Variants in TMEM236 observed in about 807,000 individuals in gnomAD.
TMEM236 encodes the protein transmembrane protein 236.
In TMEM236, 11 loss-of-function variants were observed where a neutral mutation model predicts 14.7. The observed-to-expected ratio is 0.75, with a 90% CI of 0.47 to 1.24. The LOEUF (loss-of-function observed/expected upper bound fraction) is 1.24. TMEM236 is among the 50% of genes most tolerant of loss of function. The probability of loss-of-function intolerance (pLI) is 0.00; values close to 1 mark genes in which losing one functional copy is unlikely to be tolerated. For missense variants in TMEM236, 464 were observed against 427.3 expected (o/e 1.09, Z -0.76); for synonymous variants, 182 against 168.6 (o/e 1.08, Z -0.62).
At chr10:17,753,598 A>C (rs1837240741) in intron 1 of TMEM236, among the ~76,000 whole-genome samples, 1 of 152,200 alleles carries the variant, frequency 6.6e-6, no homozygotes, top group Non-Finnish European at 1.5e-5. Context: ...TCATGATTGC[A>C]TAGCATTCGA....
chr10:17,794,302 T>C (rs1837973134), intron 3 of TMEM236, among the ~76,000 whole-genome samples: 1 of 152,198 alleles, frequency 6.6e-6, no homozygotes, highest in Non-Finnish European at 1.5e-5. Context: ...TCCTTTTAAG[T>C]TTTGTTTTAT....
In TMEM236 at chr10:17,797,700, AT is replaced by A. The variant is rs1838039295; in HGVS notation, c.*1199del. On this transcript the variant is annotated 3_prime_UTR_variant, in exon 4 of 4. Coordinates refer to ENST00000377495, the MANE Select transcript of TMEM236 (RefSeq NM_001098844.3). ...CAAGGGACTTTTATTCAATAAATTG[AT>A]TTCAGCATAAAAAGCAATTCACTTT... 6.6e-6 allele frequency: 1 copy of A among 152,186 alleles called. No homozygotes were observed. Among genetic ancestry groups the A allele is most frequent in the Non-Finnish European group, 1.5e-5 (1 of 68,018 alleles). 9.4% of individuals were successfully genotyped at this position (152,186 alleles called of 1,614,324 possible).
At chr10:17,777,520 T>C (rs1002615105) in intron 3 of TMEM236, among the ~76,000 whole-genome samples, 2 of 152,128 alleles carry the variant, frequency 1.3e-5, no homozygotes, top group Non-Finnish European at 1.5e-5. Flanking sequence ...CCTAGAGTTC[T>C]TGAGCTCAGG....
In TMEM236 at chr10:17,796,851, C is replaced by T; in HGVS notation, c.*347C>T. 3.3e-6 allele frequency: 1 copy of T among 307,108 alleles called. No homozygotes were observed. The highest frequency in any genetic ancestry group is 6.1e-6 in the Non-Finnish European group (1 of 163,934). 19.0% of individuals were successfully genotyped at this position (307,108 alleles called of 1,614,324 possible). ...AGCAGACCGCACAGCACGTGGTGAA[C>T]CTCAAACTGAGCGTTCCCGCCTGCA... On this transcript the variant is annotated 3_prime_UTR_variant, in exon 4 of 4. Transcript: ENST00000377495.
At chr10:17,752,828 A>G (rs1310387861) in intron 1 of TMEM236, among the ~76,000 whole-genome samples, 1 of 152,120 alleles carries the variant, frequency 6.6e-6, no homozygotes, top group Non-Finnish European at 1.5e-5. Context: ...CAGCCTCCCA[A>G]AGTACTAGGA....
chr10:17,757,598 CAAAA>C (rs143988279), intron 1 of TMEM236, among the ~76,000 whole-genome samples: 1 of 98,656 alleles, frequency 1.0e-5, no homozygotes. Flanking sequence ...AACCCTGTCT[CAAAA>C]AAAAAAAAAA....
intron 1 of TMEM236, among the ~76,000 whole-genome samples, chr10:17,767,837 G>T (rs1184049483): frequency 6.6e-6 from 1 of 151,670 alleles, no homozygotes; most frequent in Non-Finnish European, 1.5e-5. Flanking sequence ...AGAGACTTCA[G>T]TATATGGTTT....
intron 2 of TMEM236, among the ~76,000 whole-genome samples, chr10:17,774,915 A>C (rs1314730243): frequency 6.6e-6 from 1 of 151,748 alleles, no homozygotes; most frequent in Non-Finnish European, 1.5e-5. Context: ...CTCCTGCCTC[A>C]GTGTCCTGAG....
At chr10:17,792,376 C>T (rs2131767422) in intron 3 of TMEM236, among the ~76,000 whole-genome samples, 1 of 152,350 alleles carries the variant, frequency 6.6e-6, no homozygotes, top group South Asian at 2.1e-4. Context: ...GCGTAAGCCA[C>T]CGTACCTGCC....
At chr10:17,778,866 A>C (rs1038916716) in intron 3 of TMEM236, among the ~76,000 whole-genome samples, 85 of 152,254 alleles carry the variant, frequency 5.6e-4, no homozygotes, top group Admixed American at 1.6e-3. Context: ...TGCTTAAAGC[A>C]GTCTTCACCG....
chr10:17,773,571 C>T (rs1278142654), intron 2 of TMEM236, among the ~76,000 whole-genome samples: 1 of 152,162 alleles, frequency 6.6e-6, no homozygotes, highest in African/African-American at 2.4e-5. Flanking sequence ...CTCCTGACCT[C>T]AGGTGATCCA....
chr10:17,774,029 T>TTTTG (rs1228988280), intron 2 of TMEM236, among the ~76,000 whole-genome samples: 24,296 of 133,500 alleles, frequency 0.18, 2,659 homozygotes, highest in African/African-American at 0.31. Flanking sequence ...ATATATATAT[T>TTTTG]TTTGTTTGTT....
In TMEM236 at chr10:17,799,036, G is replaced by A; in HGVS notation, c.*2532G>A. 4.0e-6 allele frequency: 1 copy of A among 248,508 alleles called. No homozygotes were observed. Among genetic ancestry groups the A allele is most frequent in the Non-Finnish European group, 7.9e-6 (1 of 126,536 alleles). 15.4% of individuals were successfully genotyped at this position (248,508 alleles called of 1,614,324 possible). A position where few individuals can be genotyped will look rare whatever the true frequency, so the allele number is the denominator to read the frequency against. On this transcript the variant is annotated 3_prime_UTR_variant, in exon 4 of 4. Transcript: ENST00000377495. ...TCAGACTATACTTTTTCATCGAGGAGTATTGTATTCAAAAGTGATCGATCT... is the reference window on the plus strand; with the variant it reads ...TCAGACTATACTTTTTCATCGAGGAATATTGTATTCAAAAGTGATCGATCT...
chr10:17,768,096 T>TTTG (rs1837502922), intron 1 of TMEM236, among the ~76,000 whole-genome samples: 17 of 139,796 alleles, frequency 1.2e-4, no homozygotes, highest in Admixed American at 9.9e-4. Flanking sequence ...GTTTTTTTTT[T>TTTG]TTTTTTTTTT....
At chr10:17,756,778 G>A (rs976878566) in intron 1 of TMEM236, among the ~76,000 whole-genome samples, 1 of 152,160 alleles carries the variant, frequency 6.6e-6, no homozygotes, top group Non-Finnish European at 1.5e-5. Flanking sequence ...CCTCTTTGAA[G>A]GACAAGGTCC....
intron 2 of TMEM236, among the ~76,000 whole-genome samples, chr10:17,772,456 A>C (rs2131750147): frequency 6.6e-6 from 1 of 152,314 alleles, no homozygotes; most frequent in Non-Finnish European, 1.5e-5. Context: ...AGGTTCTCAA[A>C]AGCTGTAAAA....
chr10:17,772,975 G>T (rs1242549565), intron 2 of TMEM236, among the ~76,000 whole-genome samples: 1 of 151,992 alleles, frequency 6.6e-6, no homozygotes, highest in Non-Finnish European at 1.5e-5. Flanking sequence ...TGGTTGTGAG[G>T]GTCATTCCTG....
intron 1 of TMEM236, among the ~76,000 whole-genome samples, chr10:17,764,837 C>CT (rs1238545582): frequency 0.017 from 2,133 of 127,376 alleles, 96 homozygotes; most frequent in Middle Eastern, 0.09. Flanking sequence ...CAGATTTTCC[C>CT]TTTTTTTTTT....
chr10:17,770,504 C>T (rs1330035916), intron 1 of TMEM236, among the ~76,000 whole-genome samples: 2 of 152,170 alleles, frequency 1.3e-5, no homozygotes, highest in African/African-American at 4.8e-5. Flanking sequence ...CTGCCTCAGC[C>T]TCCTGAGTAG....
Sources: allele counts gnomAD v4.1 joint callset (sites outside exome capture counted in the v4.1 genomes callset), GRCh38; gene constraint gnomAD v4.1.1; transcripts MANE v1.5; gene names NCBI Gene and HGNC (gene_info 2026-07-23, HGNC 2026-07-21).